Variants in IQCM observed in about 807,000 individuals in gnomAD.
IQCM encodes the protein IQ motif containing M.
A neutral mutation model predicts 57.6 loss-of-function variants in IQCM; 45 were observed. The ratio of observed to expected loss-of-function variants is 0.78; its 90% CI spans 0.62 to 1.00. The LOEUF is 1.00. IQCM is among the 50% of genes least tolerant of loss of function. The pLI is 0.00. For synonymous variants in IQCM, 148 were observed against 158.9 expected, an observed-to-expected ratio of 0.93 and a Z score of 0.51; for missense variants, 468 against 511.6, an observed-to-expected ratio of 0.91 and a Z score of 0.82.
intron 7 of IQCM, among the ~76,000 whole-genome samples, chr4:149,677,295 C>T (rs757418740): frequency 3.3e-5 from 5 of 152,090 alleles, no homozygotes; most frequent in Admixed American, 6.6e-5. Flanking sequence ...TACAACTTGG[C>T]CAAAGGCCAA....
At position 149,704,935 on chromosome 4, in the gene IQCM, C is replaced by A. The variant is rs1029127188; in HGVS notation, c.386-18467G>T. 2.6e-5 allele frequency among the ~76,000 whole-genome samples: 4 copies of A among 151,622 alleles called. No individual in the cohort carries two copies. In the East Asian group the frequency reaches 5.9e-4, roughly 22 times the overall value. On this transcript the variant is annotated intron_variant, in intron 5 of 13. Transcript: ENST00000636793. ...AGTTGGAATGTTCATCTTCTTTTGC[C>A]CTTAGACATGAGAGCTGCCCTTAGA...
At chr4:149,478,223 T>C (rs1740408463) in intron 12 of IQCM, among the ~76,000 whole-genome samples, 1 of 152,110 alleles carries the variant, frequency 6.6e-6, no homozygotes, top group Non-Finnish European at 1.5e-5. Context: ...TTGAAATAAG[T>C]GAGCAAGAGT....
At chr4:149,378,228 G>A (rs1055247995) in intron 13 of IQCM, among the ~76,000 whole-genome samples, 4 of 152,114 alleles carry the variant, frequency 2.6e-5, no homozygotes, top group African/African-American at 9.7e-5. Flanking sequence ...GACTAACACA[G>A]TAAATTGGTA....
chr4:149,504,438 G>A (rs1264334291), intron 12 of IQCM, among the ~76,000 whole-genome samples: 2 of 152,024 alleles, frequency 1.3e-5, no homozygotes, highest in African/African-American at 2.4e-5. Flanking sequence ...GAATGATTGT[G>A]TGCTCCCCTC....
intron 5 of IQCM, among the ~76,000 whole-genome samples, chr4:149,700,361 C>G (rs1763674928): frequency 1.3e-5 from 2 of 151,954 alleles, no homozygotes; most frequent in African/African-American, 4.8e-5. Flanking sequence ...ACTCTCTTCT[C>G]TGGGCAGCTC....
At chr4:149,378,901 G>C (rs896343353) in intron 13 of IQCM, among the ~76,000 whole-genome samples, 1 of 152,108 alleles carries the variant, frequency 6.6e-6, no homozygotes, top group Non-Finnish European at 1.5e-5. Flanking sequence ...AGGCAAAAAT[G>C]GTTTCATGGG....
intron 2 of IQCM, among the ~76,000 whole-genome samples, chr4:149,745,509 G>T (rs192935777): frequency 6.6e-6 from 1 of 152,290 alleles, no homozygotes; most frequent in East Asian, 1.9e-4. Context: ...TTGTGAAAAA[G>T]TCCTCTCACC....
intron 13 of IQCM, among the ~76,000 whole-genome samples, chr4:149,386,071 T>G (rs1410900523): frequency 1.3e-5 from 2 of 152,090 alleles, no homozygotes; most frequent in African/African-American, 2.4e-5. Flanking sequence ...AAAGTCGTAA[T>G]AGTAGGACTT....
intron 7 of IQCM, among the ~76,000 whole-genome samples, chr4:149,672,710 A>G (rs1038006082): frequency 6.6e-6 from 1 of 152,184 alleles, no homozygotes; most frequent in South Asian, 2.1e-4. Flanking sequence ...TCTTCAGGAT[A>G]TTTTCCAGGA....
intron 7 of IQCM, among the ~76,000 whole-genome samples, chr4:149,678,001 T>A (rs1761894631): frequency 6.6e-6 from 1 of 151,506 alleles, no homozygotes; most frequent in African/African-American, 2.4e-5. Flanking sequence ...GAAAAAAGAA[T>A]GAAAAGCAAG....
At chr4:149,517,152 G>A (rs1055756727) in intron 12 of IQCM, among the ~76,000 whole-genome samples, 3 of 149,078 alleles carry the variant, frequency 2.0e-5, no homozygotes, top group Non-Finnish European at 4.4e-5. Flanking sequence ...ACCTGCTGAG[G>A]CGCTTGCTAA....
At chr4:149,511,251 G>T (rs915676556) in intron 12 of IQCM, among the ~76,000 whole-genome samples, 1 of 152,022 alleles carries the variant, frequency 6.6e-6, no homozygotes, top group Non-Finnish European at 1.5e-5. Context: ...GGGCACGTTA[G>T]CTCATGCCTG....
At chr4:149,598,963 A>G (rs72957427) in intron 8 of IQCM, among the ~76,000 whole-genome samples, 2,203 of 152,194 alleles carry the variant, frequency 0.014, 36 homozygotes, top group African/African-American at 0.042. Context: ...TAGAGCTCCC[A>G]CTGCACTGAC....
At chr4:149,401,660 T>G (rs1560805545) in intron 13 of IQCM, among the ~76,000 whole-genome samples, 1 of 151,816 alleles carries the variant, frequency 6.6e-6, no homozygotes, top group African/African-American at 2.4e-5. Context: ...AATGAAAGTA[T>G]GATTTAAAAT....
Position 149,733,281 on chromosome 4 carries a change from TCTA to T in IQCM, c.345_347del (p.Ser115del). ...GATCTATGGGCCTGCATCTTTCTCT[TCTA>T]CTAAAAATGTGTGGTTCCTTGAAGG... On this transcript the variant is annotated inframe_deletion, in exon 5 of 14. Coordinates refer to ENST00000636793, the MANE Select transcript of IQCM (RefSeq NM_001363507.2). The T allele has an allele frequency of 2.4e-6, 3 of 1,231,782 alleles. No individual in the cohort carries two copies. The highest frequency in any genetic ancestry group is 3.0e-6 in the Non-Finnish European group (3 of 987,702). The allele number at this position is 1,231,782 out of a possible 1,614,324, so 76.3% of individuals were successfully genotyped here. A position where few individuals can be genotyped will look rare whatever the true frequency, so the allele number is the denominator to read the frequency against.
intron 2 of IQCM, among the ~76,000 whole-genome samples, chr4:149,788,033 T>C (rs1772228825): frequency 6.6e-6 from 1 of 152,188 alleles, no homozygotes; most frequent in Admixed American, 6.5e-5. Context: ...TAGACATTTT[T>C]CAAAAGAACA....
chr4:149,802,604 T>G (rs1358550778), intron 2 of IQCM, among the ~76,000 whole-genome samples: 1 of 152,008 alleles, frequency 6.6e-6, no homozygotes, highest in African/African-American at 2.4e-5. Flanking sequence ...CATAAAAGTA[T>G]GTCCTGGGAA....
intron 2 of IQCM, among the ~76,000 whole-genome samples, chr4:149,769,074 A>T (rs1212036807): frequency 6.6e-6 from 1 of 152,106 alleles, no homozygotes; most frequent in Admixed American, 6.6e-5. Context: ...TGTATTTAAC[A>T]ATTCATAGAT....
chr4:149,670,994 G>C (rs930112406), intron 7 of IQCM, among the ~76,000 whole-genome samples: 3 of 150,952 alleles, frequency 2.0e-5, no homozygotes, highest in Non-Finnish European at 4.4e-5. Context: ...GATGATGCTG[G>C]CCTCATAAAA....
Sources: allele counts gnomAD v4.1 joint callset (sites outside exome capture counted in the v4.1 genomes callset), GRCh38; gene constraint gnomAD v4.1.1; transcripts MANE v1.5; gene names NCBI Gene and HGNC (gene_info 2026-07-23, HGNC 2026-07-21).